Variants in MTX2 observed in about 807,000 individuals in gnomAD.
The protein encoded by MTX2 is metaxin 2.
Under a neutral mutation model 42.3 loss-of-function variants are expected in MTX2, and 35 were observed. The observed-to-expected ratio is 0.83, with a 90% CI of 0.63 to 1.10. The LOEUF is 1.10. Ranked by LOEUF, MTX2 falls within the 50% of genes least tolerant of loss-of-function variation. MTX2 has a pLI of 0.00. For synonymous variants in MTX2, 119 were observed against 100.9 expected (o/e 1.18, Z -1.08); for missense variants, 307 against 304.1 (o/e 1.01, Z -0.07).
chr2:176,270,234 A>G (rs1002115499), intron 1 of MTX2: 1 of 526,794 alleles, frequency 1.9e-6, no homozygotes, highest in Non-Finnish European at 3.0e-6. Flanking sequence ...GCAGTGGCAC[A>G]ACCTGGGCTC....
At chr2:176,286,510 T>G (rs2105403568) in intron 1 of MTX2, among the ~76,000 whole-genome samples, 1 of 152,212 alleles carries the variant, frequency 6.6e-6, no homozygotes, top group South Asian at 2.1e-4. Flanking sequence ...GCCTTGGGTA[T>G]TCTACTGTCC....
intron 3 of MTX2, among the ~76,000 whole-genome samples, chr2:176,315,812 G>A (rs561349080): frequency 6.6e-6 from 1 of 152,224 alleles, no homozygotes; most frequent in South Asian, 2.1e-4. Context: ...AACTTGGACT[G>A]TTCTCCCCTT....
intron 3 of MTX2, chr2:176,304,333 T>C (rs1306941390): frequency 1.3e-5 from 2 of 154,236 alleles, no homozygotes; most frequent in Non-Finnish European, 2.9e-5. Flanking sequence ...GTTTGGAAAA[T>C]GAACCTGGCT....
At position 176,278,760 on chromosome 2, in the gene MTX2, C is replaced by T. The variant is rs10187361; in HGVS notation, c.40+9091C>T. Among the ~76,000 whole-genome samples, 1,380 of 152,064 alleles carry T rather than the reference C, an allele frequency of 9.1e-3. 16 individuals carry two copies. The highest frequency in any genetic ancestry group is 0.032 in the African/African-American group (1,310 of 41,492). ...TGAGATATTGAAAATTCAGGCTTCT[C>T]ATTTTTTTTTCAAAGACAGAAGTTA... is the stretch of plus-strand genomic sequence containing the variant. On this transcript the variant is annotated intron_variant, in intron 1 of 9. Coordinates refer to ENST00000249442, the MANE Select transcript of MTX2 (RefSeq NM_006554.5).
chr2:176,321,906 A>G (rs942186510), intron 3 of MTX2, among the ~76,000 whole-genome samples: 4 of 152,282 alleles, frequency 2.6e-5, no homozygotes, highest in South Asian at 2.1e-4. Flanking sequence ...TCAGTAAACA[A>G]TATTGCTTAT....
At chr2:176,332,689 T>A (rs1209802035) in intron 9 of MTX2, among the ~76,000 whole-genome samples, 1 of 151,302 alleles carries the variant, frequency 6.6e-6, no homozygotes, top group Non-Finnish European at 1.5e-5. Flanking sequence ...GGGCTTGATT[T>A]ACAAAACTTG....
At chr2:176,291,642 AGT>A (rs1029815987) in intron 1 of MTX2, among the ~76,000 whole-genome samples, 7 of 152,138 alleles carry the variant, frequency 4.6e-5, no homozygotes, top group Admixed American at 6.5e-5. Flanking sequence ...GCAACATGAA[AGT>A]GTTAAAATAT....
chr2:176,270,232 A>C (rs141258264), intron 1 of MTX2: 1 of 505,006 alleles, frequency 2.0e-6, no homozygotes, highest in South Asian at 2.1e-5. Flanking sequence ...GTGCAGTGGC[A>C]CAACCTGGGC....
At chr2:176,295,416 C>T (rs1447062844) in intron 1 of MTX2, among the ~76,000 whole-genome samples, 1 of 152,090 alleles carries the variant, frequency 6.6e-6, no homozygotes, top group Non-Finnish European at 1.5e-5. Context: ...AACTGTTATA[C>T]AAGTTAATTG....
intron 4 of MTX2, among the ~76,000 whole-genome samples, chr2:176,323,812 T>C (rs960750084): frequency 2.0e-5 from 3 of 151,860 alleles, no homozygotes; most frequent in Admixed American, 1.3e-4. Context: ...TAATAATGAA[T>C]CCATTTATTA....
intron 8 of MTX2, among the ~76,000 whole-genome samples, chr2:176,330,024 C>T (rs1310921322): frequency 6.6e-6 from 1 of 150,938 alleles, no homozygotes. Context: ...CCAAGGCTAC[C>T]CTTAATACTA....
rs376347414 is a variant in MTX2, at chr2:176,304,043, G to C, written c.135+6148G>C. Among the ~76,000 whole-genome samples, 107 of 151,990 alleles carry C rather than the reference G, an allele frequency of 7.0e-4. 2 individuals are homozygous for C. The South Asian group carries it at 0.021, about 30-fold the overall frequency. ...CAGCCTTTTTTTAAAACAGAAAAAG[G>C]CTAGAATTTTTCATTATTAGATATA... On this transcript the variant is annotated intron_variant, in intron 3 of 9. Transcript: ENST00000249442.
intron 1 of MTX2, among the ~76,000 whole-genome samples, chr2:176,285,004 T>A (rs950982169): frequency 6.6e-6 from 1 of 152,216 alleles, no homozygotes; most frequent in African/African-American, 2.4e-5. Context: ...AGTTGAGAAC[T>A]ACTGTTGTAA....
rs1271545480 is a variant in MTX2 at position 176,269,506 on chromosome 2, G to C, written c.-124G>C. 4.5e-6 allele frequency: 5 copies of C among 1,099,350 alleles called. No homozygotes were observed. Among genetic ancestry groups the C allele is most frequent in the Non-Finnish European group, 5.0e-6 (4 of 797,892 alleles). The allele number at this position is 1,099,350 out of a possible 1,614,324, so 68.1% of individuals were successfully genotyped here. A position where few individuals can be genotyped will look rare whatever the true frequency, so the allele number is the denominator to read the frequency against. On this transcript the variant is annotated 5_prime_UTR_variant, in exon 1 of 10. Coordinates refer to ENST00000249442, the MANE Select transcript of MTX2 (RefSeq NM_006554.5). The stretch of plus-strand genomic sequence containing the variant: ...TGCAGCCGCCGCTGCTGTTGGAGTG[G>C]GCTTTGCGAGTCTGAACGTTGGCGG...
intron 9 of MTX2, among the ~76,000 whole-genome samples, chr2:176,331,316 C>T (rs1449516434): frequency 6.6e-6 from 1 of 151,038 alleles, no homozygotes; most frequent in Non-Finnish European, 1.5e-5. Context: ...ATATCAGAAT[C>T]AGCTGTCCTG....
At chr2:176,337,417 T>A in intron 9 of MTX2, 76 bp from the exon 10 acceptor site, 1 of 1,287,766 alleles carries the variant, frequency 7.8e-7, no homozygotes, top group Non-Finnish European at 1.1e-6. Context: ...GACCTGTGGG[T>A]GAAGAGGGCC....
chr2:176,278,352 A>G (rs1692999428), intron 1 of MTX2, among the ~76,000 whole-genome samples: 1 of 152,080 alleles, frequency 6.6e-6, no homozygotes. Context: ...CACCTGGCCA[A>G]AACTAAATTC....
intron 3 of MTX2, among the ~76,000 whole-genome samples, chr2:176,308,846 C>G (rs1684221335): frequency 6.6e-6 from 1 of 151,978 alleles, no homozygotes; most frequent in South Asian, 2.1e-4. Context: ...AAACCAGTTC[C>G]TAGATTCATT....
intron 1 of MTX2, among the ~76,000 whole-genome samples, chr2:176,289,757 T>A (rs1415490845): frequency 6.6e-6 from 1 of 152,092 alleles, no homozygotes; most frequent in Non-Finnish European, 1.5e-5. Flanking sequence ...ATGAAATAAT[T>A]AATTTCTAAA....
Sources: gnomAD v4.1 joint callset for allele counts (sites outside exome capture counted in the v4.1 genomes callset) on GRCh38, gnomAD v4.1.1 for gene constraint, MANE v1.5 for transcripts, NCBI Gene and HGNC (gene_info 2026-07-23, HGNC 2026-07-21) for gene names.